The following RASGRP1 variants were observed in gnomAD, a reference collection of about 807,000 sequenced individuals.
RASGRP1 encodes the protein RAS guanyl-releasing protein 1.
RASGRP1 carries 37 observed loss-of-function variants against 95.1 expected under a neutral mutation model. The ratio of observed to expected loss-of-function variants is 0.39; its 90% CI spans 0.30 to 0.51. The LOEUF (loss-of-function observed/expected upper bound fraction) is 0.51, where lower values mean the gene tolerates loss of function less well. Among genes scored for constraint, RASGRP1 ranks in the 20% least tolerant of loss-of-function variants. RASGRP1 has a pLI of 0.80. For synonymous variants in RASGRP1, 325 were observed against 353.4 expected, an observed-to-expected ratio of 0.92 and a Z score of 0.90; for missense variants, 711 against 965.4, an observed-to-expected ratio of 0.74 and a Z score of 3.49.
At chr15:38,548,033 T>C (rs1428288028) in intron 2 of RASGRP1, among the ~76,000 whole-genome samples, 2 of 151,810 alleles carry the variant, frequency 1.3e-5, no homozygotes, top group African/African-American at 4.8e-5. Context: ...CAGTGCTGAT[T>C]GGGGAATGCG....
intron 2 of RASGRP1, among the ~76,000 whole-genome samples, chr15:38,532,344 T>C (rs1431924266): frequency 3.3e-5 from 5 of 152,224 alleles, no homozygotes; most frequent in Non-Finnish European, 7.3e-5. Flanking sequence ...ACAATGTTGA[T>C]CTTACATACT....
intron 2 of RASGRP1, among the ~76,000 whole-genome samples, chr15:38,547,368 A>G (rs1398888221): frequency 6.6e-6 from 1 of 152,064 alleles, no homozygotes; most frequent in Non-Finnish European, 1.5e-5. Context: ...CAAACTTAAC[A>G]CCCTCTAAAA....
chr15:38,559,017 G>T (rs901064515), intron 2 of RASGRP1, among the ~76,000 whole-genome samples: 3 of 152,044 alleles, frequency 2.0e-5, no homozygotes, highest in African/African-American at 7.3e-5. Context: ...GATACAAAAA[G>T]GGGTCCACAG....
chr15:38,560,179 C>T (rs1893749003), intron 1 of RASGRP1, 174 bp from the exon 2 acceptor site: 1 of 637,224 alleles, frequency 1.6e-6, no homozygotes, highest in Non-Finnish European at 2.8e-6. Context: ...GTTAAAGAGA[C>T]ATCTCCCCAG....
chr15:38,555,512 G>C (rs912656077), intron 2 of RASGRP1, among the ~76,000 whole-genome samples: 1 of 152,194 alleles, frequency 6.6e-6, no homozygotes. Flanking sequence ...TTAGGAGAGA[G>C]ATCCAGGCTT....
chr15:38,491,281 A>G (rs1381880576), intron 16 of RASGRP1, among the ~76,000 whole-genome samples: 2 of 152,114 alleles, frequency 1.3e-5, no homozygotes, highest in African/African-American at 4.8e-5. Context: ...AGAGAATATT[A>G]TATATAGACA....
chr15:38,496,726 T>TTAGC (rs1333219634), intron 15 of RASGRP1, among the ~76,000 whole-genome samples: 1 of 152,022 alleles, frequency 6.6e-6, no homozygotes, highest in Non-Finnish European at 1.5e-5. Flanking sequence ...CAGCCTGTGT[T>TTAGC]TAGATAGATA....
intron 1 of RASGRP1, among the ~76,000 whole-genome samples, chr15:38,560,696 T>C (rs1893768345): frequency 6.6e-6 from 1 of 152,240 alleles, no homozygotes; most frequent in South Asian, 2.1e-4. Flanking sequence ...TTGTTTTTCA[T>C]GGTTGATAAT....
chr15:38,531,233 G>T (rs1892423310), intron 2 of RASGRP1, among the ~76,000 whole-genome samples: 1 of 152,206 alleles, frequency 6.6e-6, no homozygotes. Flanking sequence ...TAGGTCAAAG[G>T]GACAATGGGT....
chr15:38,499,047 CTG>C (rs1212363257), intron 14 of RASGRP1, 101 bp from the exon 15 acceptor site: 1 of 1,454,790 alleles, frequency 6.9e-7, no homozygotes, highest in South Asian at 1.1e-5. Flanking sequence ...TCACACATGT[CTG>C]TTCTATCTTC....
chr15:38,519,440 T>C, intron 3 of RASGRP1, 69 bp from the exon 4 acceptor site: 1 of 1,177,280 alleles, frequency 8.5e-7, no homozygotes. Context: ...TCTTTGGAAG[T>C]ATTTGCTGAA....
chr15:38,541,893 A>T (rs1892878027), intron 2 of RASGRP1, among the ~76,000 whole-genome samples: 1 of 152,202 alleles, frequency 6.6e-6, no homozygotes, highest in Non-Finnish European at 1.5e-5. Flanking sequence ...GGAAAGTCAG[A>T]TTTGACTGGA....
At chr15:38,524,283 C>T (rs1487634830) in intron 3 of RASGRP1, 1 of 152,092 alleles carries the variant, frequency 6.6e-6, no homozygotes, top group East Asian at 1.9e-4. Context: ...TTGAAAGTCA[C>T]CATCAGCACA....
At chr15:38,550,626 GT>G (rs1208176038) in intron 2 of RASGRP1, among the ~76,000 whole-genome samples, 1 of 152,144 alleles carries the variant, frequency 6.6e-6, no homozygotes, top group Non-Finnish European at 1.5e-5. Flanking sequence ...GCAACCTTGT[GT>G]GCTAGCATAC....
At chr15:38,518,186 AAG>A (rs1048559239) in intron 5 of RASGRP1, 104 bp downstream of exon 5, 11 of 1,081,706 alleles carry the variant, frequency 1.0e-5, no homozygotes, top group African/African-American at 9.4e-5. Flanking sequence ...AGAGTGGAGA[AAG>A]AGAGCAGCAG....
chr15:38,541,361 C>T (rs981264835), intron 2 of RASGRP1, among the ~76,000 whole-genome samples: 5 of 151,946 alleles, frequency 3.3e-5, no homozygotes, highest in Admixed American at 2.6e-4. Flanking sequence ...GAGTCTGGGG[C>T]GGGAGGATCA....
At chr15:38,524,525 T>C (rs1388572336) in intron 3 of RASGRP1, 3 of 152,290 alleles carry the variant, frequency 2.0e-5, no homozygotes, top group Non-Finnish European at 4.4e-5. Context: ...TCATGCCTAA[T>C]GCTTCTGGGG....
In RASGRP1 at chr15:38,557,635, A is replaced by G. The variant is rs1036331683; in HGVS notation, c.220+2186T>C. ...TGTGTGTGTGTGTGTGTGTGTATAT[A>G]TATATATATATTTCCTGAACAGTAT... On this transcript the variant is annotated intron_variant, in intron 2 of 16. Coordinates refer to ENST00000310803, the MANE Select transcript of RASGRP1 (RefSeq NM_005739.4). Among the ~76,000 whole-genome samples, 472 of 126,984 alleles carry G rather than the reference A, an allele frequency of 3.7e-3. 1 individual carries two copies. The highest frequency in any genetic ancestry group is 0.013 in the African/African-American group (435 of 34,298). 83.3% of individuals were successfully genotyped at this position (126,984 alleles called of 152,430 possible). A position where few individuals can be genotyped will look rare whatever the true frequency, so the allele number is the denominator to read the frequency against.
intron 6 of RASGRP1, 62 bp downstream of exon 6, chr15:38,516,135 T>C (rs62003612): frequency 0.015 from 22,563 of 1,508,534 alleles, 213 homozygotes; most frequent in Non-Finnish European, 0.019. Flanking sequence ...GGCTGTTGAA[T>C]TATCATCTTA....
Sources: gnomAD v4.1 joint callset for allele counts (sites outside exome capture counted in the v4.1 genomes callset) on GRCh38, gnomAD v4.1.1 for gene constraint, MANE v1.5 for transcripts, NCBI Gene and HGNC (gene_info 2026-07-23, HGNC 2026-07-21) for gene names.